GALNT13: variants seen among roughly 807,000 people sequenced by gnomAD.
GALNT13 encodes UDP-GalNAc:polypeptide N-acetylgalactosaminyltransferase 13.
GALNT13 carries 28 observed loss-of-function variants against 64.2 expected under a neutral mutation model. The ratio of observed to expected loss-of-function variants is 0.44; its 90% CI spans 0.32 to 0.60. GALNT13 has a LOEUF of 0.60. GALNT13 is among the 20% of genes least tolerant of loss of function. The pLI is 0.05. For missense variants in GALNT13, 577 were observed against 669.8 expected (o/e 0.86, Z 1.53); for synonymous variants, 214 against 224.6 (o/e 0.95, Z 0.42).
chr2:153,791,378 G>T, the GALNT13 span, among the ~76,000 whole-genome samples: 1 of 152,130 alleles, frequency 6.6e-6, no homozygotes, highest in African/African-American at 2.4e-5. Context: ...AAAGTAACTG[G>T]TTTTTGCCGT....
the GALNT13 span, among the ~76,000 whole-genome samples, chr2:153,254,823 G>T: frequency 6.6e-6 from 1 of 152,168 alleles, no homozygotes; most frequent in East Asian, 1.9e-4. Flanking sequence ...ATTACACTGT[G>T]GTCTGAGAGA....
At chr2:153,960,748 G>A (rs1438658969) in intron 3 of GALNT13, among the ~76,000 whole-genome samples, 3 of 152,112 alleles carry the variant, frequency 2.0e-5, no homozygotes, top group African/African-American at 4.8e-5. Flanking sequence ...TCCGGTGTCC[G>A]AGGCCTGCCT....
intron 9 of GALNT13, among the ~76,000 whole-genome samples, chr2:154,381,290 A>G (rs1698257760): frequency 1.3e-5 from 2 of 152,042 alleles, no homozygotes; most frequent in African/African-American, 4.8e-5. Context: ...CACTTTCTGT[A>G]ATGCTCACCC....
chr2:154,011,172 C>T (rs1034795454), intron 3 of GALNT13, among the ~76,000 whole-genome samples: 2 of 151,862 alleles, frequency 1.3e-5, no homozygotes, highest in South Asian at 2.1e-4. Flanking sequence ...TCCAGTTCCT[C>T]AAGCTGTTAG....
intron 4 of GALNT13, among the ~76,000 whole-genome samples, chr2:154,216,954 AT>A (rs373851562): frequency 0.083 from 11,602 of 140,266 alleles, 532 homozygotes; most frequent in African/African-American, 0.12. Flanking sequence ...ACATCAAGCT[AT>A]TTTTTTTTTT....
At chr2:153,240,015 A>G in the GALNT13 span, among the ~76,000 whole-genome samples, 3 of 152,154 alleles carry the variant, frequency 2.0e-5, no homozygotes, top group Non-Finnish European at 2.9e-5. Context: ...TGATCTGTTC[A>G]GATTTTGGAC....
chr2:154,284,409 T>A (rs1389322849), intron 8 of GALNT13, among the ~76,000 whole-genome samples: 5 of 152,116 alleles, frequency 3.3e-5, no homozygotes, highest in Non-Finnish European at 7.4e-5. Flanking sequence ...TGTGCTCCAG[T>A]TCCATCCATA....
At chr2:154,177,347 C>A (rs1332417069) in intron 4 of GALNT13, among the ~76,000 whole-genome samples, 1 of 150,224 alleles carries the variant, frequency 6.7e-6, no homozygotes, top group Non-Finnish European at 1.5e-5. Context: ...AACTATATGA[C>A]ATTGTGGAAA....
chr2:153,821,847 A>G, the GALNT13 span, among the ~76,000 whole-genome samples: 1 of 152,194 alleles, frequency 6.6e-6, no homozygotes, highest in Admixed American at 6.5e-5. Flanking sequence ...TAAAGTAACC[A>G]TGAAAAAGAG....
At chr2:154,323,536 T>C (rs772651964) in intron 9 of GALNT13, among the ~76,000 whole-genome samples, 1 of 152,118 alleles carries the variant, frequency 6.6e-6, no homozygotes, top group Non-Finnish European at 1.5e-5. Context: ...TGGGGTTGAT[T>C]TATTTTGGAT....
intron 3 of GALNT13, among the ~76,000 whole-genome samples, chr2:154,059,818 CA>C (rs1357012910): frequency 6.6e-6 from 1 of 151,996 alleles, no homozygotes; most frequent in Non-Finnish European, 1.5e-5. Context: ...ATGACACACT[CA>C]AAAAGAGTGA....
chr2:153,857,233 T>C, the GALNT13 span, among the ~76,000 whole-genome samples: 3 of 152,072 alleles, frequency 2.0e-5, no homozygotes, highest in Non-Finnish European at 2.9e-5. Context: ...CCTGTGAAAA[T>C]TGAGTTTTTT....
chr2:153,911,226 G>T (rs1297296784), intron 2 of GALNT13, among the ~76,000 whole-genome samples: 1 of 152,062 alleles, frequency 6.6e-6, no homozygotes, highest in Non-Finnish European at 1.5e-5. Flanking sequence ...AATTAGGATT[G>T]TAACCCTAGT....
At chr2:154,417,497 A>ATTTC (rs1700065795) in intron 11 of GALNT13, among the ~76,000 whole-genome samples, 2 of 132,756 alleles carry the variant, frequency 1.5e-5, no homozygotes, top group Admixed American at 7.7e-5. Context: ...GCTTTTATTT[A>ATTTC]TTTATTTATT....
the GALNT13 span, among the ~76,000 whole-genome samples, chr2:153,557,632 T>G: frequency 6.6e-6 from 1 of 152,332 alleles, no homozygotes; most frequent in African/African-American, 2.4e-5. Flanking sequence ...CAATCTATTC[T>G]TCATACTAAA....
At chr2:153,770,517 G>T in the GALNT13 span, among the ~76,000 whole-genome samples, 2 of 152,216 alleles carry the variant, frequency 1.3e-5, no homozygotes, top group Non-Finnish European at 2.9e-5. Context: ...GGTGTTGAAA[G>T]ATTTCCTATT....
At chr2:154,286,126 G>C (rs1379402319) in intron 8 of GALNT13, among the ~76,000 whole-genome samples, 2 of 152,114 alleles carry the variant, frequency 1.3e-5, no homozygotes, top group Admixed American at 6.5e-5. Context: ...CGTGTCATCA[G>C]CAAACAGAGA....
intron 3 of GALNT13, among the ~76,000 whole-genome samples, chr2:153,992,442 T>A (rs1289219152): frequency 6.6e-6 from 1 of 152,182 alleles, no homozygotes; most frequent in Non-Finnish European, 1.5e-5. Flanking sequence ...CACTTTACTG[T>A]ATAGGAAACA....
chr2:154,378,900 C>A (rs1698128518), intron 9 of GALNT13, among the ~76,000 whole-genome samples: 1 of 151,968 alleles, frequency 6.6e-6, no homozygotes, highest in East Asian at 1.9e-4. Context: ...TGTCATGATG[C>A]CTCTACTTTG....
Sources: gnomAD v4.1 joint callset for allele counts (sites outside exome capture counted in the v4.1 genomes callset) on GRCh38, gnomAD v4.1.1 for gene constraint, MANE v1.5 for transcripts, NCBI Gene and HGNC (gene_info 2026-07-23, HGNC 2026-07-21) for gene names.